Variants in CFAP46 observed in about 807,000 individuals in gnomAD.
CFAP46 encodes the protein cilia- and flagella-associated protein 46.
A neutral mutation model predicts 325.7 loss-of-function variants in CFAP46; 245 were observed. That is an observed-to-expected ratio of 0.75 (90% CI 0.68 to 0.84). CFAP46 has a LOEUF of 0.84. CFAP46 is among the 40% of genes least tolerant of loss of function. The pLI is 0.00. For synonymous variants in CFAP46, 1,523 were observed against 1,495.9 expected, an observed-to-expected ratio of 1.02 and a Z score of -0.42; for missense variants, 3,346 against 3,543.0, an observed-to-expected ratio of 0.94 and a Z score of 1.41.
intron 39 of CFAP46, 142 bp from the exon 40 acceptor site, chr10:132,851,447 T>C: frequency 1.3e-6 from 1 of 752,718 alleles, no homozygotes; most frequent in Non-Finnish European, 2.1e-6. Flanking sequence ...TGACACACTT[T>C]GATCACGAAT....
chr10:132,812,012 G>A (rs960133708), intron 55 of CFAP46, among the ~76,000 whole-genome samples: 8 of 152,244 alleles, frequency 5.3e-5, no homozygotes, highest in Non-Finnish European at 1.0e-4. Flanking sequence ...AGAAGGTCAC[G>A]GCAAGTGGGC....
chr10:132,850,390 C>T lies in CFAP46; in HGVS notation c.5806G>A (p.Ala1936Thr). ...AGCGGCTGCAGGCTCCCCAGCTGTG[C>T]CAGTGCCCCGTGTGCTAGAGTCCGC... is the stretch of plus-strand genomic sequence containing the variant. ...LKRTLAHGAL[A>T]QLGSLQPLSV... The change falls in exon 41 of 58, where the codon GCA becomes ACA. Residue 1936 changes from alanine to threonine, a missense_variant. Transcript: ENST00000368586. 1 of 1,578,700 alleles carries T rather than the reference C, an allele frequency of 6.3e-7. No individual in the cohort carries two copies. Among genetic ancestry groups the T allele is most frequent in the Non-Finnish European group, 8.6e-7 (1 of 1,161,944 alleles).
Position 132,876,989 on chromosome 10 carries a change from C to T in CFAP46, c.4213-28G>A, listed in dbSNP as rs1316810735. Reference sequence around the variant, plus strand: ...AGAAAGGCAAGAATACAGGATTTACCTGAAACGGTGGAGGTGAAACAGCAG... The same window carrying T: ...AGAAAGGCAAGAATACAGGATTTACTTGAAACGGTGGAGGTGAAACAGCAG... On this transcript the variant is annotated intron_variant, in intron 30 of 57. Transcript: ENST00000368586. The surrounding 1 kb of genome is among the most constrained non-coding windows in gnomAD (Gnocchi z 4.1). 5.2e-6 allele frequency: 8 copies of T among 1,544,318 alleles called. No homozygotes were observed. The highest frequency in any genetic ancestry group is 7.0e-6 in the Non-Finnish European group (8 of 1,143,544).
At position 132,913,818 on chromosome 10, in the gene CFAP46, C is replaced by G. The variant is rs1222353358; in HGVS notation, c.2121-560G>C. Among the ~76,000 whole-genome samples, 11 of 35,942 alleles carry G rather than the reference C, an allele frequency of 3.1e-4. No individual in the cohort carries two copies. In the African/African-American group the frequency reaches 3.4e-3, roughly 11 times the overall value. 23.6% of individuals were successfully genotyped at this position (35,942 alleles called of 152,430 possible). ...GTGGGGGCTGCATGGGGCAGAGCGT[C>G]TCTGCCCCACCCCTCCACCCAGCCC... is the stretch of plus-strand genomic sequence containing the variant. On this transcript the variant is annotated intron_variant, in intron 17 of 57. Transcript: ENST00000368586.
At chr10:132,899,511 C>T (rs1849364787) in intron 23 of CFAP46, 24 bp downstream of exon 23, 1 of 1,534,876 alleles carries the variant, frequency 6.5e-7, no homozygotes. Context: ...ACAGAGCCCA[C>T]CCCAGCCCCT....
intron 50 of CFAP46, among the ~76,000 whole-genome samples, chr10:132,819,223 C>T (rs753172885): frequency 6.6e-6 from 1 of 152,154 alleles, no homozygotes. Context: ...GCCTTGGAAA[C>T]TGTAAGACAC....
At chr10:132,864,386 C>A (rs112234640) in intron 35 of CFAP46, among the ~76,000 whole-genome samples, 94 of 99,208 alleles carry the variant, frequency 9.5e-4, no homozygotes, top group South Asian at 2.3e-3. Context: ...TGCCTGAGAC[C>A]TGCACACACC....
At chr10:132,835,239 C>T in intron 47 of CFAP46, 65 bp downstream of exon 47, 1 of 1,588,380 alleles carries the variant, frequency 6.3e-7, no homozygotes, top group Non-Finnish European at 8.6e-7. Flanking sequence ...TCGCCAGGGT[C>T]CTGGCTCCCA....
At chr10:132,920,732 C>T (rs560574012) in intron 13 of CFAP46, among the ~76,000 whole-genome samples, 1 of 152,218 alleles carries the variant, frequency 6.6e-6, no homozygotes, top group South Asian at 2.1e-4. Context: ...CACAGGGGTT[C>T]ACCTTCAGGA....
intron 22 of CFAP46, among the ~76,000 whole-genome samples, chr10:132,903,182 C>T (rs930845130): frequency 2.0e-5 from 3 of 151,922 alleles, no homozygotes; most frequent in Admixed American, 6.6e-5. Flanking sequence ...CAGTGAGTTA[C>T]GCCCCAATGT....
intron 22 of CFAP46, among the ~76,000 whole-genome samples, chr10:132,904,256 C>A (rs944430585): frequency 6.6e-6 from 1 of 152,236 alleles, no homozygotes; most frequent in Admixed American, 6.5e-5. Flanking sequence ...CAGTGACCAG[C>A]GAGGTGACCA....
rs976533580 is a variant in CFAP46, at chr10:132,828,011, G to A, written c.7117+5347C>T. Reference sequence around the variant, plus strand: ...CTGAGCCCCGTCTACGCTGTCCCACGCACCAACAGCTCGCCCCTCATTGCC... The same window carrying A: ...CTGAGCCCCGTCTACGCTGTCCCACACACCAACAGCTCGCCCCTCATTGCC... On this transcript the variant is annotated intron_variant, in intron 50 of 57. Transcript: ENST00000368586. This position sits in a 1 kb window ranked among gnomAD's most constrained non-coding sequence, Gnocchi z 4.9. 2.6e-5 allele frequency among the ~76,000 whole-genome samples: 4 copies of A among 151,494 alleles called. No homozygotes were observed. Among genetic ancestry groups the A allele is most frequent in the Non-Finnish European group, 4.4e-5 (3 of 67,992 alleles).
chr10:132,836,692 C>A, intron 45 of CFAP46, 125 bp downstream of exon 45: 2 of 805,160 alleles, frequency 2.5e-6, no homozygotes, highest in Non-Finnish European at 4.2e-6. Context: ...ACTGTCCGGG[C>A]GTTTCCCGAG....
chr10:132,905,977 T>G (rs575864316), intron 22 of CFAP46, among the ~76,000 whole-genome samples: 215 of 152,334 alleles, frequency 1.4e-3, no homozygotes, highest in Non-Finnish European at 2.2e-3. Context: ...TATTACAGGC[T>G]GCAGGGAAAA....
Position 132,941,649 on chromosome 10 carries a change from A to G in CFAP46, c.248T>C (p.Leu83Pro). ...FKVKAPITQF[L>P]GRAHLCRAQM... ...GGCCCTGCACAGGTGCGCTCGGCCC[A>G]GAAACTGGGTGATGGGCGCCTTCAC... Residue 83 changes from leucine to proline, a missense_variant, in exon 3 of 58, where the codon CTG becomes CCG. Transcript: ENST00000368586. 1 of 1,614,028 alleles carries G rather than the reference A, an allele frequency of 6.2e-7. No homozygotes were observed. Among genetic ancestry groups the G allele is most frequent in the South Asian group, 1.1e-5 (1 of 91,086 alleles).
rs563012136 is a variant in CFAP46 at position 132,918,552 on chromosome 10, T to G, written c.1859-32A>C. ...GAAATGGCAGCAGGTAAGGATCATG[T>G]TTTTTTCTAGCAAATAAATAAAAAC... On this transcript the variant is annotated intron_variant, in intron 15 of 57. Transcript: ENST00000368586. 2.3e-4 allele frequency: 341 copies of G among 1,494,778 alleles called. 5 individuals are homozygous for G. In the South Asian group the frequency reaches 3.9e-3, roughly 17 times the overall value. 92.6% of individuals were successfully genotyped at this position (1,494,778 alleles called of 1,614,324 possible).
At position 132,833,476 on chromosome 10, in the gene CFAP46, T is replaced by A; in HGVS notation, c.6999A>T (p.Arg2333Ser). The change falls in exon 50 of 58, where the codon AGA becomes AGT. Residue 2333 changes from arginine to serine, a missense_variant. Physicochemically the swap from Arg to Ser is moderately radical, Grantham distance 110. Transcript: ENST00000368586. ...CTTCCAGTGGCAGCTCCAGGAGATGTCTGTCTGCGACCAGGACTATCTTAT... is the reference window on the plus strand; with the variant it reads ...CTTCCAGTGGCAGCTCCAGGAGATGACTGTCTGCGACCAGGACTATCTTAT... ...VADKIVLVAD[R>S]HLLELPLEGL... is the part of the protein sequence containing the mutation. 6.2e-7 allele frequency: 1 copy of A among 1,614,136 alleles called. No homozygotes were observed. Among genetic ancestry groups the A allele is most frequent in the Non-Finnish European group, 8.5e-7 (1 of 1,180,024 alleles).
At chr10:132,823,054 CTG>C (rs200870975) in intron 50 of CFAP46, among the ~76,000 whole-genome samples, 7 of 96,700 alleles carry the variant, frequency 7.2e-5, no homozygotes, top group Non-Finnish European at 9.9e-5. Context: ...GTGCTGTGTG[CTG>C]TGAGTGCTGA....
intron 1 of CFAP46, 131 bp downstream of exon 1, chr10:132,942,304 TC>T: frequency 1.2e-6 from 1 of 830,916 alleles, no homozygotes; most frequent in Non-Finnish European, 1.6e-6. Context: ...AGGTGGGGGC[TC>T]CGGCTGTGGC....
Sources: allele counts gnomAD v4.1 joint callset (sites outside exome capture counted in the v4.1 genomes callset), GRCh38; gene constraint gnomAD v4.1.1; non-coding constraint Gnocchi (gnomAD v3.1); transcripts MANE v1.5; gene names NCBI Gene and HGNC (gene_info 2026-07-23, HGNC 2026-07-21).